The following SLC22A15 variants were observed in gnomAD, a reference collection of about 807,000 sequenced individuals.
The protein encoded by SLC22A15 is solute carrier family 22 member 15, also known as flipt 1.
Under a neutral mutation model 62.7 loss-of-function variants are expected in SLC22A15, and 45 were observed. The observed-to-expected ratio is 0.72, with a 90% confidence interval of 0.56 to 0.92. The LOEUF (loss-of-function observed/expected upper bound fraction) is 0.92, where lower values mean the gene tolerates loss of function less well. Ranked by LOEUF, SLC22A15 falls within the 40% of genes least tolerant of loss-of-function variation. SLC22A15 has a pLI of 0.00. For missense variants in SLC22A15, 622 were observed against 665.6 expected, an observed-to-expected ratio of 0.93 and a Z score of 0.72; for synonymous variants, 264 against 267.0, an observed-to-expected ratio of 0.99 and a Z score of 0.11.
intron 2 of SLC22A15, among the ~76,000 whole-genome samples, chr1:116,013,389 T>C (rs1360736959): frequency 6.6e-6 from 1 of 152,174 alleles, no homozygotes; most frequent in East Asian, 1.9e-4. Flanking sequence ...CAGTTGACTT[T>C]TTCCATAGCT....
chr1:116,023,175 C>A (rs1644962539), intron 4 of SLC22A15, among the ~76,000 whole-genome samples: 1 of 152,116 alleles, frequency 6.6e-6, no homozygotes, highest in South Asian at 2.1e-4. Flanking sequence ...ATGTAAAAAA[C>A]AATATGTAAA....
Position 116,038,731 on chromosome 1 carries a change from T to C in SLC22A15, c.1171+1343T>C, listed in dbSNP as rs116245278. On this transcript the variant is annotated intron_variant, in intron 8 of 11. Coordinates refer to ENST00000369503, the MANE Select transcript of SLC22A15 (RefSeq NM_018420.3). ...TGATGGACTTCAAATCGTTGTAGTT[T>C]TATATTCAGCAGATTTTGTTTTGCA... Among the ~76,000 whole-genome samples the C allele has an allele frequency of 3.5e-3, 536 of 152,366 alleles. 5 individuals carry two copies. The highest frequency in any genetic ancestry group is 0.013 in the African/African-American group (520 of 41,582).
chr1:115,992,826 A>G (rs1218098719), intron 2 of SLC22A15, among the ~76,000 whole-genome samples: 1 of 151,764 alleles, frequency 6.6e-6, no homozygotes, highest in Non-Finnish European at 1.5e-5. Context: ...GGATTTCACC[A>G]TGTTGACCAG....
At chr1:116,019,460 A>G (rs1013333827) in intron 2 of SLC22A15, 122 bp from the exon 3 acceptor site, 4 of 905,000 alleles carry the variant, frequency 4.4e-6, no homozygotes, top group Non-Finnish European at 6.5e-6. Flanking sequence ...ATTCTACTGA[A>G]TTCTGGTTAA....
At chr1:115,999,401 C>G (rs1270315496) in intron 2 of SLC22A15, among the ~76,000 whole-genome samples, 2 of 152,014 alleles carry the variant, frequency 1.3e-5, no homozygotes, top group Admixed American at 1.3e-4. Context: ...GCTGAAGTCT[C>G]CAGCAACTAT....
intron 9 of SLC22A15, among the ~76,000 whole-genome samples, chr1:116,064,019 G>A (rs12076417): frequency 6.6e-6 from 1 of 152,104 alleles, no homozygotes; most frequent in Non-Finnish European, 1.5e-5. Flanking sequence ...GCAGTCTGTA[G>A]GAGATCTAAG....
chr1:115,992,212 T>A lies in SLC22A15; in HGVS notation c.269T>A (p.Phe90Tyr). 2.5e-6 allele frequency: 4 copies of A among 1,602,580 alleles called. No individual in the cohort carries two copies. The highest frequency in any genetic ancestry group is 3.4e-6 in the Non-Finnish European group (4 of 1,174,320). The change falls in exon 2 of 12, where the codon TTC becomes TAC. Residue 90 changes from phenylalanine to tyrosine, a missense_variant. Phe to Tyr is a conservative substitution (Grantham distance 22, BLOSUM62 3). Coordinates refer to ENST00000369503, the MANE Select transcript of SLC22A15 (RefSeq NM_018420.3). ...AGTGAGATCCATAAGCACGTGCATT[T>A]CAGCAGCAGCTTCACCTCCATCGCC... ...NGSEIHKHVH[F>Y]SSSFTSIASE...
chr1:115,977,070 C>T (rs928439209), intron 1 of SLC22A15, among the ~76,000 whole-genome samples: 2 of 152,168 alleles, frequency 1.3e-5, no homozygotes, highest in African/African-American at 4.8e-5. Flanking sequence ...TAACACGCTG[C>T]AAATATGAAG....
At chr1:115,988,092 A>G (rs1168688416) in intron 1 of SLC22A15, among the ~76,000 whole-genome samples, 3 of 152,166 alleles carry the variant, frequency 2.0e-5, no homozygotes, top group Non-Finnish European at 4.4e-5. Context: ...TTATAATTAC[A>G]TTGAAAGGGG....
rs910976995 is a variant in SLC22A15, at chr1:115,998,010, T to C, written c.300+5767T>C. On this transcript the variant is annotated intron_variant, in intron 2 of 11. Coordinates refer to ENST00000369503, the MANE Select transcript of SLC22A15 (RefSeq NM_018420.3). Reference sequence around the variant, plus strand: ...GATTTTTATGAAGGATGTTGAATTTTATCAAATGCTTTTTCAGCATGAATT... The same window carrying C: ...GATTTTTATGAAGGATGTTGAATTTCATCAAATGCTTTTTCAGCATGAATT... Among the ~76,000 whole-genome samples the C allele has an allele frequency of 2.6e-5, 4 of 152,186 alleles. No homozygotes were observed. The East Asian group carries it at 7.7e-4, about 29-fold the overall frequency.
chr1:116,038,372 G>A (rs796552618), intron 8 of SLC22A15, among the ~76,000 whole-genome samples: 19 of 152,192 alleles, frequency 1.2e-4, no homozygotes, highest in African/African-American at 4.3e-4. Context: ...TCATTTCTGC[G>A]TGTCTCATTA....
chr1:116,028,028 T>G (rs1374792121), intron 5 of SLC22A15, among the ~76,000 whole-genome samples: 1 of 152,224 alleles, frequency 6.6e-6, no homozygotes, highest in Non-Finnish European at 1.5e-5. Flanking sequence ...CAGCCAGTAT[T>G]TCCTGCCTTC....
chr1:116,058,796 T>G (rs956811249), intron 8 of SLC22A15, among the ~76,000 whole-genome samples: 11 of 152,160 alleles, frequency 7.2e-5, no homozygotes, highest in Non-Finnish European at 1.5e-4. Context: ...AAAAAGGAAT[T>G]AATTAATGGC....
rs140604183 is a variant in SLC22A15 at position 115,988,214 on chromosome 1, G to A, written c.88-3817G>A. Among the ~76,000 whole-genome samples the A allele has an allele frequency of 5.3e-5, 8 of 152,338 alleles. No homozygotes were observed. In the East Asian group the frequency reaches 1.4e-3, roughly 26 times the overall value. ...TTCCCACTCTGGTAGACAATGGATAGTGGTTGCTGTTTGTGGCTTTAAGGC... is the reference window on the plus strand; with the variant it reads ...TTCCCACTCTGGTAGACAATGGATAATGGTTGCTGTTTGTGGCTTTAAGGC... On this transcript the variant is annotated intron_variant, in intron 1 of 11. Coordinates refer to ENST00000369503, the MANE Select transcript of SLC22A15 (RefSeq NM_018420.3).
chr1:115,985,530 A>G (rs1049199430), intron 1 of SLC22A15, among the ~76,000 whole-genome samples: 1 of 151,968 alleles, frequency 6.6e-6, no homozygotes, highest in African/African-American at 2.4e-5. Flanking sequence ...CCATTTTATC[A>G]TCTGAGGTGC....
intron 3 of SLC22A15, among the ~76,000 whole-genome samples, chr1:116,020,450 G>A (rs1656767499): frequency 6.6e-6 from 1 of 151,448 alleles, no homozygotes; most frequent in South Asian, 2.1e-4. Context: ...CAGCTACCCG[G>A]GAGGCTGAGG....
intron 10 of SLC22A15, among the ~76,000 whole-genome samples, chr1:116,065,585 T>C (rs1658479308): frequency 6.6e-6 from 1 of 151,072 alleles, no homozygotes; most frequent in African/African-American, 2.4e-5. Flanking sequence ...GATGAGAGAT[T>C]CTCCTCCTCC....
intron 8 of SLC22A15, among the ~76,000 whole-genome samples, chr1:116,056,717 A>G (rs1226014328): frequency 1.3e-5 from 2 of 152,186 alleles, no homozygotes; most frequent in Non-Finnish European, 2.9e-5. Context: ...GATATAGATC[A>G]ATGGAACAGA....
intron 8 of SLC22A15, among the ~76,000 whole-genome samples, chr1:116,049,766 GAAAC>G (rs947704976): frequency 6.6e-5 from 10 of 151,902 alleles, no homozygotes; most frequent in East Asian, 1.9e-4. Flanking sequence ...AGAACTAAAT[GAAAC>G]AAACAAACAA....
Sources: gnomAD v4.1 joint callset for allele counts (sites outside exome capture counted in the v4.1 genomes callset) on GRCh38, gnomAD v4.1.1 for gene constraint, MANE v1.5 for transcripts, NCBI Gene and HGNC (gene_info 2026-07-23, HGNC 2026-07-21) for gene names.